CHAF1A: variants seen among roughly 807,000 people sequenced by gnomAD.
CHAF1A encodes the protein chromatin assembly factor 1 subunit A.
A neutral mutation model predicts 93.2 loss-of-function variants in CHAF1A; 5 were observed. The observed-to-expected ratio is 0.05, with a 90% CI of 0.03 to 0.11. The LOEUF is 0.11. CHAF1A is among the 10% of genes least tolerant of loss of function. CHAF1A has a pLI of 1.00. For missense variants in CHAF1A, 1,102 were observed against 1,259.9 expected (o/e 0.87, Z 1.90); for synonymous variants, 504 against 510.3 (o/e 0.99, Z 0.17).
At chr19:4,442,179 C>T in intron 13 of CHAF1A, 66 bp from the exon 14 acceptor site, 1 of 1,354,226 alleles carries the variant, frequency 7.4e-7, no homozygotes, top group Non-Finnish European at 1.1e-6. Flanking sequence ...GTTCCCCCCG[C>T]TACCGCACTG....
chr19:4,446,331 T>C (rs1264625784), downstream of CHAF1A: 5 of 1,573,288 alleles, frequency 3.2e-6, no homozygotes, highest in Non-Finnish European at 3.4e-6. Context: ...AGCGTGTAGT[T>C]GTACTTGCGC....
Position 4,409,159 on chromosome 19 carries a change from A to G in CHAF1A, c.360A>G (p.Thr120=), listed in dbSNP as rs765750348. The G allele has an allele frequency of 2.5e-6, 4 of 1,614,110 alleles. No individual in the cohort carries two copies. The South Asian group carries it at 3.3e-5, about 13-fold the overall frequency. Reference sequence around the variant, plus strand: ...AGAGCACAGTCATCATTGATTTGACAGAGGACTCGAATGAGCAGCCAGACA... The same window carrying G: ...AGAGCACAGTCATCATTGATTTGACGGAGGACTCGAATGAGCAGCCAGACA... The part of the protein sequence containing the change: ...IGQSTVIIDL[T]EDSNEQPDSL... The change falls in exon 3 of 15, where the codon ACA becomes ACG. Residue 120 remains threonine (T), a synonymous_variant. Transcript: ENST00000301280.
chr19:4,446,174 G>C (rs886620982), downstream of CHAF1A: 1 of 1,608,674 alleles, frequency 6.2e-7, no homozygotes, highest in African/African-American at 1.3e-5. Flanking sequence ...ACCGCCCCCA[G>C]CCGCTCCCGA....
At chr19:4,432,419 C>G (rs1346245710) in intron 12 of CHAF1A, among the ~76,000 whole-genome samples, 1 of 152,120 alleles carries the variant, frequency 6.6e-6, no homozygotes, top group Non-Finnish European at 1.5e-5. Context: ...TTTTATCAAC[C>G]AGGACACAGG....
intron 8 of CHAF1A, 144 bp from the exon 9 acceptor site, chr19:4,429,294 T>G: frequency 1.1e-6 from 1 of 936,630 alleles, no homozygotes; most frequent in South Asian, 1.7e-5. Flanking sequence ...TTCCTGACCT[T>G]TCTTTGGGGA....
chr19:4,408,223 G>A (rs1426718796), intron 2 of CHAF1A, among the ~76,000 whole-genome samples: 4 of 143,246 alleles, frequency 2.8e-5, no homozygotes, highest in Non-Finnish European at 6.0e-5. Context: ...TGAGAGTTTC[G>A]CTCAGGTCGC....
In CHAF1A at chr19:4,410,507, G is replaced by A. The variant is rs1973776139; in HGVS notation, c.960+748G>A. 2.7e-5 allele frequency among the ~76,000 whole-genome samples: 4 copies of A among 150,518 alleles called. No individual in the cohort carries two copies. In the South Asian group the frequency reaches 6.3e-4, roughly 24 times the overall value. ...GCGATTCTCCTGCCTCAGCATCCCT[G>A]ATAGCTGGGATTACAGGTGCGCACC... On this transcript the variant is annotated intron_variant, in intron 3 of 14. Transcript: ENST00000301280.
chr19:4,440,752 G>A (rs975247854), intron 13 of CHAF1A, among the ~76,000 whole-genome samples: 1 of 151,892 alleles, frequency 6.6e-6, no homozygotes, highest in Non-Finnish European at 1.5e-5. Flanking sequence ...CTGTGGACCT[G>A]TGCAGCAGGT....
intron 3 of CHAF1A, among the ~76,000 whole-genome samples, chr19:4,411,254 G>A (rs1014465062): frequency 1.3e-5 from 2 of 152,012 alleles, no homozygotes; most frequent in Non-Finnish European, 2.9e-5. Context: ...TTTTGAGACA[G>A]AGTCTTGCTC....
downstream of CHAF1A, chr19:4,445,312 G>GC: frequency 1.0e-6 from 1 of 994,442 alleles, no homozygotes; most frequent in South Asian, 1.6e-5. Context: ...CATCCCCACA[G>GC]CCCCCAAGGG....
At chr19:4,421,923 C>T (rs1973997056) in intron 4 of CHAF1A, among the ~76,000 whole-genome samples, 2 of 151,958 alleles carry the variant, frequency 1.3e-5, no homozygotes, top group Admixed American at 6.6e-5. Flanking sequence ...GCTCACTGCA[C>T]CCTACGTCTC....
intron 3 of CHAF1A, among the ~76,000 whole-genome samples, chr19:4,412,381 A>G (rs1278523757): frequency 6.6e-6 from 1 of 152,210 alleles, no homozygotes; most frequent in Non-Finnish European, 1.5e-5. Context: ...CGTCTCTACT[A>G]AAAATACAGA....
downstream of CHAF1A, among the ~76,000 whole-genome samples, chr19:4,444,244 C>T (rs530934000): frequency 8.5e-5 from 13 of 152,264 alleles, no homozygotes; most frequent in East Asian, 1.9e-4. Context: ...GTCAGGGGCA[C>T]GAGCATAGGC....
chr19:4,420,136 A>G (rs563089658), intron 4 of CHAF1A, among the ~76,000 whole-genome samples: 1 of 152,186 alleles, frequency 6.6e-6, no homozygotes, highest in South Asian at 2.1e-4. Context: ...CCTAACCCAA[A>G]CTGAAAGCTG....
intron 10 of CHAF1A, chr19:4,430,022 G>T (rs1382406008): frequency 2.0e-6 from 1 of 500,018 alleles, no homozygotes; most frequent in South Asian, 2.3e-5. Context: ...GATCCCGTCC[G>T]CATCTGCACC....
intron 13 of CHAF1A, among the ~76,000 whole-genome samples, chr19:4,440,386 T>C (rs1351129665): frequency 6.6e-6 from 1 of 150,898 alleles, no homozygotes; most frequent in Non-Finnish European, 1.5e-5. Context: ...GGTGGAAGGA[T>C]GGCTTGAGCC....
chr19:4,450,312 C>G, the CHAF1A span: 1 of 151,308 alleles, frequency 6.6e-6, no homozygotes, highest in African/African-American at 2.4e-5. Flanking sequence ...TGACCCCAAA[C>G]CCAAAAGCCA....
downstream of CHAF1A, chr19:4,447,975 C>G: frequency 2.0e-6 from 1 of 502,360 alleles, no homozygotes; most frequent in Non-Finnish European, 3.6e-6. Context: ...CGGGGTGCTC[C>G]CTCGGCGTTG....
At chr19:4,429,948 G>C in intron 10 of CHAF1A, 160 bp downstream of exon 10, 3 of 636,602 alleles carry the variant, frequency 4.7e-6, no homozygotes, top group South Asian at 3.9e-5. Flanking sequence ...TCAACATCCA[G>C]ACTTCCAGCT....
Sources: gnomAD v4.1 joint callset for allele counts (sites outside exome capture counted in the v4.1 genomes callset) on GRCh38, gnomAD v4.1.1 for gene constraint, MANE v1.5 for transcripts, NCBI Gene and HGNC (gene_info 2026-07-23, HGNC 2026-07-21) for gene names.